CADPS: variants seen among roughly 807,000 people sequenced by gnomAD.
The protein encoded by CADPS is calcium dependent secretion activator.
CADPS carries 57 observed loss-of-function variants against 167.3 expected under a neutral mutation model. The observed-to-expected ratio is 0.34, with a 90% confidence interval of 0.28 to 0.42. CADPS has a LOEUF of 0.42. CADPS is among the 20% of genes least tolerant of loss of function. The pLI is 1.00. For synonymous variants in CADPS, 676 were observed against 635.3 expected, an observed-to-expected ratio of 1.06 and a Z score of -0.96; for missense variants, 1,414 against 1,738.1, an observed-to-expected ratio of 0.81 and a Z score of 3.32.
intron 3 of CADPS, among the ~76,000 whole-genome samples, chr3:62,734,061 A>G (rs1396564431): frequency 1.3e-5 from 2 of 152,180 alleles, no homozygotes; most frequent in Non-Finnish European, 2.9e-5. Context: ...GGTTGGTTCC[A>G]TAATTTTTGC....
At chr3:62,865,878 G>C (rs886727807) in intron 1 of CADPS, among the ~76,000 whole-genome samples, 2 of 152,152 alleles carry the variant, frequency 1.3e-5, no homozygotes, top group African/African-American at 2.4e-5. Context: ...AATAAAAGTA[G>C]AGAAAATGAG....
At chr3:62,535,272 T>A (rs903689109) in intron 12 of CADPS, among the ~76,000 whole-genome samples, 1 of 151,024 alleles carries the variant, frequency 6.6e-6, no homozygotes, top group African/African-American at 2.4e-5. Flanking sequence ...TGTGTTCCTT[T>A]CCAATTTGGC....
chr3:62,683,322 T>A (rs1194647510), intron 3 of CADPS, among the ~76,000 whole-genome samples: 3 of 151,976 alleles, frequency 2.0e-5, no homozygotes, highest in Non-Finnish European at 4.4e-5. Context: ...TAAGGGTGAA[T>A]ACAGCTATTG....
At chr3:62,452,133 G>A (rs564374000) in intron 26 of CADPS, among the ~76,000 whole-genome samples, 1 of 152,190 alleles carries the variant, frequency 6.6e-6, no homozygotes. Flanking sequence ...CTTACAGTAG[G>A]TGTTTGAGCT....
At chr3:62,474,459 C>A (rs2150609105) in intron 23 of CADPS, 139 bp from the exon 24 acceptor site, 3 of 738,754 alleles carry the variant, frequency 4.1e-6, no homozygotes, top group Middle Eastern at 2.5e-4. Flanking sequence ...CATGTGTTCC[C>A]TTTTAAATGA....
At chr3:62,833,700 TA>T (rs959830634) in intron 1 of CADPS, among the ~76,000 whole-genome samples, 10 of 152,132 alleles carry the variant, frequency 6.6e-5, no homozygotes, top group Non-Finnish European at 1.0e-4. Context: ...AATCCTCCAT[TA>T]GGGGGCATGA....
At chr3:62,669,691 A>G (rs902997645) in intron 3 of CADPS, among the ~76,000 whole-genome samples, 1 of 152,064 alleles carries the variant, frequency 6.6e-6, no homozygotes, top group African/African-American at 2.4e-5. Context: ...CCTAGCTTTT[A>G]TTTTTTTCAA....
intron 13 of CADPS, among the ~76,000 whole-genome samples, chr3:62,520,884 T>C (rs1463097839): frequency 1.3e-5 from 2 of 152,218 alleles, no homozygotes; most frequent in Non-Finnish European, 2.9e-5. Flanking sequence ...CTGTCAAACA[T>C]CAATTTCTTG....
rs567164597 is a variant in CADPS at position 62,746,492 on chromosome 3, A to C, written c.888+6949T>G. 9.2e-5 allele frequency among the ~76,000 whole-genome samples: 14 copies of C among 152,194 alleles called. No homozygotes were observed. The Middle Eastern group carries it at 0.01, about 111-fold the overall frequency. ...GCTGGGACCACAGGTACATGCCACC[A>C]TGCCTGGCTAATTTTTTAAATGTTT... On this transcript the variant is annotated intron_variant, in intron 3 of 29. Transcript: ENST00000383710.
At chr3:62,484,315 CA>C (rs748388130) in intron 21 of CADPS, among the ~76,000 whole-genome samples, 18 of 151,992 alleles carry the variant, frequency 1.2e-4, no homozygotes, top group Non-Finnish European at 2.6e-4. Flanking sequence ...TAATTCTAAG[CA>C]TAATATTTTA....
intron 28 of CADPS, among the ~76,000 whole-genome samples, chr3:62,435,225 A>G (rs888520021): frequency 1.3e-5 from 2 of 152,212 alleles, no homozygotes; most frequent in Non-Finnish European, 2.9e-5. Context: ...GATTTAAAGA[A>G]TAAGTTCATT....
At chr3:62,681,850 T>G (rs1210869376) in intron 3 of CADPS, among the ~76,000 whole-genome samples, 6 of 152,050 alleles carry the variant, frequency 3.9e-5, no homozygotes, top group African/African-American at 1.5e-4. Context: ...TCAGACTGAC[T>G]TCTGTAACAG....
intron 1 of CADPS, among the ~76,000 whole-genome samples, chr3:62,836,711 G>A (rs2075948199): frequency 6.6e-6 from 1 of 152,166 alleles, no homozygotes. Context: ...TACCATGCCT[G>A]GGAGGTGAAG....
chr3:62,626,710 G>T (rs1349591), intron 6 of CADPS: 495,519 of 524,078 alleles, frequency 0.95, 235,376 homozygotes, highest in East Asian at 1. Context: ...TTACTAACAT[G>T]GTTTTTACTG....
chr3:62,820,480 G>T (rs1434070080), intron 1 of CADPS, among the ~76,000 whole-genome samples: 2 of 152,056 alleles, frequency 1.3e-5, no homozygotes, highest in African/African-American at 4.8e-5. Context: ...ATCCTTCAGA[G>T]CCTACTGTAT....
chr3:62,543,563 T>G (rs1370876457), intron 11 of CADPS, among the ~76,000 whole-genome samples: 8 of 152,074 alleles, frequency 5.3e-5, no homozygotes, highest in Non-Finnish European at 2.9e-5. Flanking sequence ...ATTAAGTATC[T>G]GCTTGAAGTG....
In CADPS at chr3:62,785,610, A is replaced by G. The variant is rs1238969226; in HGVS notation, c.442-19626T>C. The stretch of plus-strand genomic sequence containing the variant: ...GCTTCCCTGCTCCCATACCTGCTCA[A>G]GGTGAGTAAGCTGATGATAAGAAAG... On this transcript the variant is annotated intron_variant, in intron 1 of 29. Transcript: ENST00000383710. Among the ~76,000 whole-genome samples the G allele has an allele frequency of 2.0e-5, 3 of 152,204 alleles. No individual in the cohort carries two copies. The South Asian group carries it at 6.2e-4, about 31-fold the overall frequency.
At chr3:62,415,559 C>G (rs991556658) in intron 28 of CADPS, among the ~76,000 whole-genome samples, 1 of 152,264 alleles carries the variant, frequency 6.6e-6, no homozygotes, top group Non-Finnish European at 1.5e-5. Context: ...CTTAAGGTCA[C>G]TTCAGATTTT....
intron 11 of CADPS, among the ~76,000 whole-genome samples, chr3:62,546,333 C>T (rs577962300): frequency 5.2e-4 from 79 of 152,198 alleles, no homozygotes; most frequent in Middle Eastern, 6.8e-3. Flanking sequence ...TCCTACTTTG[C>T]TCAGGATTGA....
Sources: allele counts gnomAD v4.1 joint callset (sites outside exome capture counted in the v4.1 genomes callset), GRCh38; gene constraint gnomAD v4.1.1; transcripts MANE v1.5; gene names NCBI Gene and HGNC (gene_info 2026-07-23, HGNC 2026-07-21).